The following DDIAS variants were observed in gnomAD, a reference collection of about 807,000 sequenced individuals.
The protein encoded by DDIAS is DNA damage induced apoptosis suppressor, also known as DNA damage-induced apoptosis suppressor protein.
In DDIAS, 14 loss-of-function variants were observed where a neutral mutation model predicts 15.7. The ratio of observed to expected loss-of-function variants is 0.89; its 90% CI spans 0.59 to 1.39. DDIAS has a LOEUF of 1.39. DDIAS is among the 40% of genes most tolerant of loss of function. The pLI is 0.00. For synonymous variants in DDIAS, 355 were observed against 395.9 expected (o/e 0.90, Z 1.23); for missense variants, 1,035 against 1,130.9 (o/e 0.92, Z 1.22).
chr11:82,932,451 A>G lies in DDIAS; in HGVS notation c.1113A>G (p.Pro371=), dbSNP rs767490760. The change falls in exon 6 of 6, where the codon CCA becomes CCG. Residue 371 remains proline (P), a synonymous_variant. Transcript: ENST00000533655. ...AAAATAGGTCCCAGCATGAGCTACC[A>G]TGTTTTCAGCATCATGGTATAGATA... ...EIKNRSQHEL[P]CFQHHGIDTP... 3.7e-5 allele frequency: 60 copies of G among 1,614,104 alleles called. No individual in the cohort carries two copies. Among genetic ancestry groups the G allele is most frequent in the Non-Finnish European group, 4.7e-5 (56 of 1,180,052 alleles).
intron 3 of DDIAS, among the ~76,000 whole-genome samples, chr11:82,915,231 T>C (rs1179261305): frequency 1.3e-5 from 2 of 152,246 alleles, no homozygotes; most frequent in Non-Finnish European, 2.9e-5. Context: ...AATAAATTCC[T>C]TGAGACCAGG....
At chr11:82,913,567 G>A (rs900755632) in intron 2 of DDIAS, 181 bp downstream of exon 2, 2 of 329,670 alleles carry the variant, frequency 6.1e-6, no homozygotes, top group African/African-American at 4.5e-5. Context: ...TTTATACAAG[G>A]ATATTAAAAC....
intron 1 of DDIAS, among the ~76,000 whole-genome samples, chr11:82,908,014 A>T (rs1860464741): frequency 6.6e-6 from 1 of 152,236 alleles, no homozygotes; most frequent in Non-Finnish European, 1.5e-5. Flanking sequence ...ACTATCCAGC[A>T]GGGTTAGTAC....
intron 2 of DDIAS, 129 bp from the exon 3 acceptor site, chr11:82,914,594 T>C: frequency 1.9e-6 from 1 of 526,398 alleles, no homozygotes; most frequent in Non-Finnish European, 3.4e-6. Flanking sequence ...TGATACCACC[T>C]TCACTTTGAA....
intron 3 of DDIAS, among the ~76,000 whole-genome samples, chr11:82,919,956 C>T (rs1860711949): frequency 6.6e-6 from 1 of 152,204 alleles, no homozygotes; most frequent in Non-Finnish European, 1.5e-5. Context: ...ATCTCCTAAC[C>T]TCATGATCCG....
At chr11:82,907,200 C>A (rs1024258470) in intron 1 of DDIAS, among the ~76,000 whole-genome samples, 1 of 152,062 alleles carries the variant, frequency 6.6e-6, no homozygotes, top group African/African-American at 2.4e-5. Context: ...AAATGTGAAA[C>A]ATATTGTGGG....
At position 82,920,810 on chromosome 11, in the gene DDIAS, G is replaced by A. The variant is rs758524449; in HGVS notation, c.113+5959G>A. On this transcript the variant is annotated intron_variant, in intron 3 of 5. Transcript: ENST00000533655. ...CTGGCTTATCACATGGTCTATCTTG[G>A]AGAAAGTTCCATGTGCTGTTGAATA... Among the ~76,000 whole-genome samples the A allele has an allele frequency of 9.7e-4, 147 of 152,246 alleles. 1 individual carries two copies. Among genetic ancestry groups the A allele is most frequent in the Non-Finnish European group, 1.7e-3 (115 of 68,016 alleles).
At chr11:82,917,784 A>G (rs1860660572) in intron 3 of DDIAS, among the ~76,000 whole-genome samples, 1 of 152,120 alleles carries the variant, frequency 6.6e-6, no homozygotes, top group Non-Finnish European at 1.5e-5. Context: ...GTGTTCTCTG[A>G]TTGCTGCATC....
intron 1 of DDIAS, among the ~76,000 whole-genome samples, chr11:82,910,086 T>C (rs1860497292): frequency 6.6e-6 from 1 of 152,204 alleles, no homozygotes; most frequent in Admixed American, 6.5e-5. Context: ...CTTTGTCAGT[T>C]TGCTGATGCC....
At chr11:82,913,884 T>C (rs1322298964) in intron 2 of DDIAS, 2 of 412,070 alleles carry the variant, frequency 4.9e-6, no homozygotes, top group Non-Finnish European at 9.4e-6. Flanking sequence ...TAAAATTTGT[T>C]TATGTTTTAT....
chr11:82,931,850 G>A lies in DDIAS; in HGVS notation c.512G>A (p.Gly171Asp). Residue 171 changes from glycine to aspartate, a missense_variant, in exon 6 of 6, where the codon GGT (glycine) becomes GAT (aspartate). Coordinates refer to ENST00000533655, the MANE Select transcript of DDIAS (RefSeq NM_145018.4). ...VACQIVLPDP[G>D]IAGFTVIDYF... ...TGCCAGATTGTTCTACCAGACCCAG[G>A]TATTGCAGGCTTTACTGTCATTGAC... 6.2e-7 allele frequency: 1 copy of A among 1,614,164 alleles called. No individual in the cohort carries two copies. The highest frequency in any genetic ancestry group is 8.5e-7 in the Non-Finnish European group (1 of 1,180,018).
intron 1 of DDIAS, among the ~76,000 whole-genome samples, chr11:82,906,836 T>C (rs1479342117): frequency 6.6e-6 from 1 of 152,188 alleles, no homozygotes; most frequent in African/African-American, 2.4e-5. Flanking sequence ...AATTTTATGA[T>C]TTGGTAAAAT....
chr11:82,913,693 A>T, intron 2 of DDIAS: 1 of 447,066 alleles, frequency 2.2e-6, no homozygotes, highest in South Asian at 1.6e-5. Flanking sequence ...ATAAAGTGAT[A>T]TTTCAGCTAA....
chr11:82,930,026 C>T (rs1860950151), intron 4 of DDIAS, 131 bp from the exon 5 acceptor site: 2 of 567,774 alleles, frequency 3.5e-6, no homozygotes, highest in South Asian at 2.5e-5. Context: ...AACTGCCTGG[C>T]TCTTAAAGTC....
chr11:82,910,079 T>C (rs1393970363), intron 1 of DDIAS, among the ~76,000 whole-genome samples: 1 of 152,224 alleles, frequency 6.6e-6, no homozygotes, highest in Non-Finnish European at 1.5e-5. Context: ...ACCTCCACTT[T>C]GTCAGTTTGC....
At position 82,933,945 on chromosome 11, in the gene DDIAS, A is replaced by C; in HGVS notation, c.2607A>C (p.Thr869=). The part of the protein sequence containing the change: ...TDSDEWVPPT[T]QKIFPSDMLG... ...GTGATGAATGGGTCCCTCCTACCAC[A>C]CAAAAAATATTTCCTTCAGATATGC... The change falls in exon 6 of 6, where the codon ACA becomes ACC. Residue 869 remains threonine (T), a synonymous_variant. Coordinates refer to ENST00000533655, the MANE Select transcript of DDIAS (RefSeq NM_145018.4). 1.9e-6 allele frequency: 3 copies of C among 1,612,474 alleles called. No individual in the cohort carries two copies. In the South Asian group the frequency reaches 3.3e-5, roughly 18 times the overall value.
At chr11:82,917,084 C>T (rs75459425) in intron 3 of DDIAS, among the ~76,000 whole-genome samples, 1 of 152,108 alleles carries the variant, frequency 6.6e-6, no homozygotes, top group Non-Finnish European at 1.5e-5. Context: ...GGAAATATAA[C>T]CTGTTTTCTG....
At chr11:82,930,397 C>A in intron 5 of DDIAS, 123 bp downstream of exon 5, 2 of 703,900 alleles carry the variant, frequency 2.8e-6, no homozygotes, top group Non-Finnish European at 4.6e-6. Context: ...ACACTTTAAA[C>A]TATGTAAAAA....
At chr11:82,927,475 C>T (rs945061111) in intron 3 of DDIAS, among the ~76,000 whole-genome samples, 1 of 152,210 alleles carries the variant, frequency 6.6e-6, no homozygotes, top group Non-Finnish European at 1.5e-5. Context: ...CCCCTAGTGG[C>T]CATCTGGCAA....
Sources: allele counts gnomAD v4.1 joint callset (sites outside exome capture counted in the v4.1 genomes callset), GRCh38; gene constraint gnomAD v4.1.1; transcripts MANE v1.5; gene names NCBI Gene and HGNC (gene_info 2026-07-23, HGNC 2026-07-21).